The following KCNJ6 variants were observed in gnomAD, a reference collection of about 807,000 sequenced individuals.
KCNJ6 encodes the protein potassium inwardly rectifying channel subfamily J member 6, also known as G protein-activated inward rectifier potassium channel 2.
Under a neutral mutation model 34.2 loss-of-function variants are expected in KCNJ6, and 9 were observed. That is an observed-to-expected ratio of 0.26 (90% CI 0.16 to 0.46). The LOEUF (loss-of-function observed/expected upper bound fraction) is 0.46, where lower values mean the gene tolerates loss of function less well. KCNJ6 is among the 20% of genes least tolerant of loss of function. KCNJ6 has a pLI of 1.00. For synonymous variants in KCNJ6, 196 were observed against 207.1 expected (o/e 0.95, Z 0.46); for missense variants, 236 against 531.3 (o/e 0.44, Z 5.46).
In KCNJ6 at chr21:37,609,597, G is replaced by A. The variant is rs1249183920; in HGVS notation, c.*15562C>T. The A allele has an allele frequency of 1.3e-5, 2 of 152,130 alleles. No homozygotes were observed. Among genetic ancestry groups the A allele is most frequent in the South Asian group, 2.1e-4 (1 of 4,824 alleles). 9.4% of individuals were successfully genotyped at this position (152,130 alleles called of 1,614,324 possible). ...ATTATCTTATGATTAATAATGAAAA[G>A]TGGCCACTATTTTCCATTACTGGTA... On this transcript the variant is annotated 3_prime_UTR_variant, in exon 4 of 4. Coordinates refer to ENST00000609713, the MANE Select transcript of KCNJ6 (RefSeq NM_002240.5).
chr21:37,902,288 G>C (rs927118874), intron 1 of KCNJ6, among the ~76,000 whole-genome samples: 1 of 152,150 alleles, frequency 6.6e-6, no homozygotes, highest in Admixed American at 6.5e-5. Flanking sequence ...CTCCTCCATC[G>C]TTTAAATATC....
At chr21:37,703,109 T>C (rs1477566435) in intron 3 of KCNJ6, among the ~76,000 whole-genome samples, 2 of 152,146 alleles carry the variant, frequency 1.3e-5, no homozygotes, top group African/African-American at 2.4e-5. Flanking sequence ...AAAAGAAGTA[T>C]AGTTTTGTTT....
Position 37,827,296 on chromosome 21 carries a change from G to T in KCNJ6, c.25+13362C>A, listed in dbSNP as rs571153034. Among the ~76,000 whole-genome samples, 3 of 152,248 alleles carry T rather than the reference G, an allele frequency of 2.0e-5. No individual in the cohort carries two copies. In the East Asian group the frequency reaches 5.8e-4, roughly 29 times the overall value. On this transcript the variant is annotated intron_variant, in intron 2 of 3. Coordinates refer to ENST00000609713, the MANE Select transcript of KCNJ6 (RefSeq NM_002240.5). The stretch of plus-strand genomic sequence containing the variant: ...GTGTGGTACCAGGAGGGAAGCACTT[G>T]CATATTTGGCAGGAAAGATCACTAG...
At chr21:37,677,072 C>T (rs750646327) in intron 3 of KCNJ6, among the ~76,000 whole-genome samples, 3 of 152,208 alleles carry the variant, frequency 2.0e-5, no homozygotes, top group Non-Finnish European at 4.4e-5. Context: ...TGGCAGAAAT[C>T]GATAATTGGT....
chr21:37,705,481 T>C (rs945649279), intron 3 of KCNJ6, among the ~76,000 whole-genome samples: 2 of 152,196 alleles, frequency 1.3e-5, no homozygotes, highest in African/African-American at 4.8e-5. Flanking sequence ...ATGAAATAAA[T>C]GACAGCTATG....
At chr21:37,729,981 C>T (rs2054876001) in intron 2 of KCNJ6, among the ~76,000 whole-genome samples, 1 of 152,202 alleles carries the variant, frequency 6.6e-6, no homozygotes, top group African/African-American at 2.4e-5. Flanking sequence ...TGCCAGGAGG[C>T]AGAGCTGGAG....
intron 1 of KCNJ6, among the ~76,000 whole-genome samples, chr21:37,859,528 T>TAA (rs1555850944): frequency 1.9e-4 from 18 of 93,542 alleles, no homozygotes; most frequent in African/African-American, 6.5e-4. Context: ...TATATATATA[T>TAA]ATAAAATACT....
intron 1 of KCNJ6, among the ~76,000 whole-genome samples, chr21:37,887,359 C>T (rs970833510): frequency 3.3e-5 from 5 of 152,144 alleles, no homozygotes; most frequent in Non-Finnish European, 5.9e-5. Flanking sequence ...AACCAAGCCC[C>T]TTCCAAGTCG....
At chr21:37,740,742 C>T (rs1308003144) in intron 2 of KCNJ6, among the ~76,000 whole-genome samples, 1 of 152,196 alleles carries the variant, frequency 6.6e-6, no homozygotes, top group Non-Finnish European at 1.5e-5. Flanking sequence ...TCTGCCATTC[C>T]CCTGTTCCTG....
chr21:37,643,012 C>G (rs1373235052), intron 3 of KCNJ6, among the ~76,000 whole-genome samples: 1 of 152,040 alleles, frequency 6.6e-6, no homozygotes, highest in Non-Finnish European at 1.5e-5. Flanking sequence ...TAAAAACAGA[C>G]AGACCTCCAA....
Position 37,729,892 on chromosome 21 carries a change from C to T in KCNJ6, c.26-14761G>A, listed in dbSNP as rs555879379. On this transcript the variant is annotated intron_variant, in intron 2 of 3. Transcript: ENST00000609713. ...TATGGGCTAGCAGCAGTCCTGCAAC[C>T]TCAGATGTCATTTACTTCATCCTCC... Among the ~76,000 whole-genome samples the T allele has an allele frequency of 4.0e-5, 6 of 151,388 alleles. No individual in the cohort carries two copies. The East Asian group carries it at 7.8e-4, about 20-fold the overall frequency.
intron 2 of KCNJ6, among the ~76,000 whole-genome samples, chr21:37,750,746 G>A (rs951599810): frequency 1.3e-5 from 2 of 152,148 alleles, no homozygotes; most frequent in African/African-American, 4.8e-5. Context: ...GGGGGCTAGG[G>A]GAGGGAGAGC....
intron 3 of KCNJ6, among the ~76,000 whole-genome samples, chr21:37,680,319 C>T (rs1236529444): frequency 2.0e-5 from 3 of 152,178 alleles, no homozygotes; most frequent in Admixed American, 6.5e-5. Context: ...GTTTCTCCCC[C>T]AGCCCTCCCT....
intron 3 of KCNJ6, among the ~76,000 whole-genome samples, chr21:37,687,406 G>A (rs1393070477): frequency 6.6e-6 from 1 of 152,078 alleles, no homozygotes; most frequent in African/African-American, 2.4e-5. Flanking sequence ...ACGGCACTGG[G>A]TATAATTTAA....
At chr21:37,716,696 T>C (rs2123453809) in intron 2 of KCNJ6, among the ~76,000 whole-genome samples, 1 of 152,324 alleles carries the variant, frequency 6.6e-6, no homozygotes, top group South Asian at 2.1e-4. Context: ...TTGTTTCTTA[T>C]GGCTTTCATG....
At chr21:37,743,508 C>A (rs1193561036) in intron 2 of KCNJ6, among the ~76,000 whole-genome samples, 1 of 152,154 alleles carries the variant, frequency 6.6e-6, no homozygotes, top group Non-Finnish European at 1.5e-5. Flanking sequence ...GCCACGAGGG[C>A]TCCCCCCTCA....
Position 37,862,984 on chromosome 21 carries a change from G to A in KCNJ6, c.-27-22275C>T, listed in dbSNP as rs549737991. 2.6e-5 allele frequency among the ~76,000 whole-genome samples: 4 copies of A among 152,336 alleles called. No individual in the cohort carries two copies. In the South Asian group the frequency reaches 8.3e-4, roughly 32 times the overall value. On this transcript the variant is annotated intron_variant, in intron 1 of 3. Coordinates refer to ENST00000609713, the MANE Select transcript of KCNJ6 (RefSeq NM_002240.5). Reference sequence around the variant, plus strand: ...AAGATTCGGACAAGGTGAATGGAGAGAGCCAACAGCAGAGCCGTGCTCATG... The same window carrying A: ...AAGATTCGGACAAGGTGAATGGAGAAAGCCAACAGCAGAGCCGTGCTCATG...
At chr21:37,674,699 C>T (rs916414710) in intron 3 of KCNJ6, among the ~76,000 whole-genome samples, 1 of 151,594 alleles carries the variant, frequency 6.6e-6, no homozygotes, top group Admixed American at 6.6e-5. Flanking sequence ...CTCCCCTATA[C>T]CTCACGTACT....
At chr21:37,867,579 A>G (rs2055629366) in intron 1 of KCNJ6, among the ~76,000 whole-genome samples, 1 of 152,192 alleles carries the variant, frequency 6.6e-6, no homozygotes, top group African/African-American at 2.4e-5. Flanking sequence ...TGTACTTTAT[A>G]TCCTACCTGC....
Sources: allele counts gnomAD v4.1 joint callset (sites outside exome capture counted in the v4.1 genomes callset), GRCh38; gene constraint gnomAD v4.1.1; transcripts MANE v1.5; gene names NCBI Gene and HGNC (gene_info 2026-07-23, HGNC 2026-07-21).